HOXB9: variants seen among roughly 807,000 people sequenced by gnomAD.
HOXB9 encodes homeobox protein Hox-B9.
In HOXB9, 10 loss-of-function variants were observed where a neutral mutation model predicts 21.5. The ratio of observed to expected loss-of-function variants is 0.47; its 90% CI spans 0.29 to 0.79. The LOEUF (loss-of-function observed/expected upper bound fraction) is 0.79. Among genes scored for constraint, HOXB9 ranks in the 30% least tolerant of loss-of-function variants. The pLI is 0.10. For missense variants in HOXB9, 375 were observed against 338.7 expected (o/e 1.11, Z -0.84); for synonymous variants, 156 against 151.2 (o/e 1.03, Z -0.23).
At position 48,622,572 on chromosome 17, in the gene HOXB9, G is replaced by GT; in HGVS notation, c.*327_*328insA. 7.6e-6 allele frequency: 2 copies of GT among 264,090 alleles called. No homozygotes were observed. The highest frequency in any genetic ancestry group is 1.5e-5 in the Non-Finnish European group (2 of 137,728). The allele number at this position is 264,090 out of a possible 1,614,324, so 16.4% of individuals were successfully genotyped here. A position where few individuals can be genotyped will look rare whatever the true frequency, so the allele number is the denominator to read the frequency against. Reference sequence around the variant, plus strand: ...GAGAAGAAACAGGCAAGCTGGAAGTGAGGGGCTAGGACTTCCCAGAAAAAT... The same window carrying GT: ...GAGAAGAAACAGGCAAGCTGGAAGTGTAGGGGCTAGGACTTCCCAGAAAAAT... On this transcript the variant is annotated 3_prime_UTR_variant, in exon 2 of 2. Coordinates refer to ENST00000311177, the MANE Select transcript of HOXB9 (RefSeq NM_024017.5).
In HOXB9 at chr17:48,626,060, C is replaced by G. The variant is rs750430036; in HGVS notation, c.210G>C (p.Ala70=). 11 of 1,578,000 alleles carry G rather than the reference C, an allele frequency of 7.0e-6. No individual in the cohort carries two copies. The highest frequency in any genetic ancestry group is 1.8e-5 in the Admixed American group (1 of 55,190). ...GGTAGACGGACGGCAGGCTCCCGGA[C>G]GCGTGCGGGCTCAGCGGCGCCCAGG... The part of the protein sequence containing the change: ...GASWAPLSPH[A]SGSLPSVYHP... The change falls in exon 1 of 2, where the codon GCG becomes GCC. Residue 70 remains alanine, a synonymous_variant. Transcript: ENST00000311177.
intron 1 of HOXB9, among the ~76,000 whole-genome samples, chr17:48,623,749 C>T (rs1358596758): frequency 6.6e-6 from 1 of 152,204 alleles, no homozygotes; most frequent in Non-Finnish European, 1.5e-5. Context: ...GAATATGGGT[C>T]TGCACTTAGA....
rs1424495131 is a variant in HOXB9, at chr17:48,621,351, C to T, written c.*1549G>A. On this transcript the variant is annotated 3_prime_UTR_variant, in exon 2 of 2. Coordinates refer to ENST00000311177, the MANE Select transcript of HOXB9 (RefSeq NM_024017.5). ...AGCACAATTTCACGACAGCCACCGACAAAGCAAAAAACTTCTACTGGAATG... is the reference window on the plus strand; with the variant it reads ...AGCACAATTTCACGACAGCCACCGATAAAGCAAAAAACTTCTACTGGAATG... The T allele has an allele frequency of 6.6e-6, 1 of 152,160 alleles. No homozygotes were observed. Among genetic ancestry groups the T allele is most frequent in the Non-Finnish European group, 1.5e-5 (1 of 67,986 alleles). The allele number at this position is 152,160 out of a possible 1,614,324, so 9.4% of individuals were successfully genotyped here.
In HOXB9 at chr17:48,622,361, G is replaced by C. The variant is rs1170456470; in HGVS notation, c.*539C>G. On this transcript the variant is annotated 3_prime_UTR_variant, in exon 2 of 2. Coordinates refer to ENST00000311177, the MANE Select transcript of HOXB9 (RefSeq NM_024017.5). ...CTCCCTGGTGGGTATTTGCATTAGGGGTAGAACCCGGGCTTGCCTGACAGT... is the reference window on the plus strand; with the variant it reads ...CTCCCTGGTGGGTATTTGCATTAGGCGTAGAACCCGGGCTTGCCTGACAGT... 6.5e-6 allele frequency: 1 copy of C among 154,016 alleles called. No individual in the cohort carries two copies. Among genetic ancestry groups the C allele is most frequent in the Admixed American group, 6.4e-5 (1 of 15,508 alleles). 9.5% of individuals were successfully genotyped at this position (154,016 alleles called of 1,614,324 possible). A position where few individuals can be genotyped will look rare whatever the true frequency, so the allele number is the denominator to read the frequency against.
intron 1 of HOXB9, among the ~76,000 whole-genome samples, chr17:48,625,298 G>T (rs2070802644): frequency 6.6e-6 from 1 of 152,230 alleles, no homozygotes; most frequent in African/African-American, 2.4e-5. Context: ...CGGTCTGCGC[G>T]TGGCGCGGGG....
In HOXB9 at chr17:48,623,061, G is replaced by A. The variant is rs769807349; in HGVS notation, c.592C>T (p.Leu198=). 5 of 1,614,224 alleles carry A rather than the reference G, an allele frequency of 3.1e-6. No individual in the cohort carries two copies. The South Asian group carries it at 5.5e-5, about 18-fold the overall frequency. The change falls in exon 2 of 2, where the codon CTG becomes TTG. Residue 198 remains leucine (L), a synonymous_variant. Transcript: ENST00000311177. ...AACAGAAACTCCTTCTCTAGCTCCA[G>A]CGTCTGGTATTTGGTGTAGGGACAG... ...KRCPYTKYQT[L]ELEKEFLFNM...
intron 1 of HOXB9, among the ~76,000 whole-genome samples, chr17:48,625,305 G>C (rs1331540316): frequency 6.6e-6 from 1 of 152,224 alleles, no homozygotes; most frequent in Admixed American, 6.5e-5. Flanking sequence ...CGCGTGGCGC[G>C]GGGAGCTCTG....
In HOXB9 at chr17:48,626,029, A is replaced by G. The variant is rs775817091; in HGVS notation, c.241T>C (p.Tyr81His). 6.3e-7 allele frequency: 1 copy of G among 1,577,670 alleles called. No individual in the cohort carries two copies. The highest frequency in any genetic ancestry group is 8.6e-7 in the Non-Finnish European group (1 of 1,169,196). ...GGCGGGACGCCCTGGGGCTGGATGTAAGGGTGGTAGACGGACGGCAGGCTC... is the reference window on the plus strand; with the variant it reads ...GGCGGGACGCCCTGGGGCTGGATGTGAGGGTGGTAGACGGACGGCAGGCTC... ...SGSLPSVYHPYIQPQGVPPAE... is the reference protein window; with the variant it reads ...SGSLPSVYHPHIQPQGVPPAE... Residue 81 changes from tyrosine to histidine, a missense_variant, in exon 1 of 2, where the codon TAC becomes CAC. Tyr to His is a moderately conservative substitution (Grantham distance 83). Coordinates refer to ENST00000311177, the MANE Select transcript of HOXB9 (RefSeq NM_024017.5).
chr17:48,626,327 C>G lies in HOXB9; in HGVS notation c.-58G>C. On this transcript the variant is annotated 5_prime_UTR_variant, in exon 1 of 2. Coordinates refer to ENST00000311177, the MANE Select transcript of HOXB9 (RefSeq NM_024017.5). ...AGGGAAGCGCTCGCGCGGCGGCGCC[C>G]AAGCAGGGAGAGGTGGCACCCGGAC... 2.0e-6 allele frequency: 3 copies of G among 1,524,534 alleles called. No individual in the cohort carries two copies. Among genetic ancestry groups the G allele is most frequent in the Non-Finnish European group, 1.8e-6 (2 of 1,140,234 alleles). The allele number at this position is 1,524,534 out of a possible 1,614,324, so 94.4% of individuals were successfully genotyped here.
chr17:48,623,219 C>T, intron 1 of HOXB9, 84 bp from the exon 2 acceptor site: 1 of 1,091,070 alleles, frequency 9.2e-7, no homozygotes, highest in Non-Finnish European at 1.3e-6. Context: ...GGTCTCCACT[C>T]CCCATCTTGC....
rs113495918 is a variant in HOXB9 at position 48,626,241 on chromosome 17, T to C, written c.29A>G (p.Tyr10Cys). 4.4e-6 allele frequency: 7 copies of C among 1,596,776 alleles called. No individual in the cohort carries two copies. The highest frequency in any genetic ancestry group is 4.0e-5 in the African/African-American group (3 of 74,988). ...GTGACTTATGATCGAGTCGACATAA[T>C]AGCTGCTAAGCGTCCCAGAAATGGA... Reference protein sequence around the residue: MSISGTLSSYYVDSIISHES... With the variant: MSISGTLSSCYVDSIISHES... Residue 10 changes from tyrosine (Y) to cysteine (C), a missense_variant, in exon 1 of 2, where the codon TAT becomes TGT. By Grantham distance (194) the Tyr-to-Cys change is radical. Coordinates refer to ENST00000311177, the MANE Select transcript of HOXB9 (RefSeq NM_024017.5).
At chr17:48,624,033 A>G (rs565057480) in intron 1 of HOXB9, among the ~76,000 whole-genome samples, 1 of 152,292 alleles carries the variant, frequency 6.6e-6, no homozygotes, top group Admixed American at 6.5e-5. Flanking sequence ...AATTGATCCT[A>G]TGTGGGGGCT....
chr17:48,625,286 T>A (rs997219001), intron 1 of HOXB9, among the ~76,000 whole-genome samples: 2 of 152,248 alleles, frequency 1.3e-5, no homozygotes, highest in Admixed American at 1.3e-4. Flanking sequence ...GGCCGGCTTT[T>A]ACGGTCTGCG....
chr17:48,623,996 G>A (rs761794747), intron 1 of HOXB9, among the ~76,000 whole-genome samples: 57 of 152,170 alleles, frequency 3.7e-4, no homozygotes, highest in Admixed American at 7.2e-4. Context: ...GAGGTAAAAG[G>A]AAGCCCTTCA....
Position 48,623,144 on chromosome 17 carries a change from G to T in HOXB9, c.518-9C>A. ...GTTGGCGGAGGGGTTGGCTGAAAGA[G>T]AAGCAGCGATAGAATCAAAGAAAGG... On this transcript the variant is annotated splice_polypyrimidine_tract_variant and intron_variant, in intron 1 of 1. Coordinates refer to ENST00000311177, the MANE Select transcript of HOXB9 (RefSeq NM_024017.5). 2 of 1,608,592 alleles carry T rather than the reference G, an allele frequency of 1.2e-6. No homozygotes were observed. The highest frequency in any genetic ancestry group is 8.5e-7 in the Non-Finnish European group (1 of 1,176,496).
intron 1 of HOXB9, 108 bp downstream of exon 1, chr17:48,625,645 G>A: frequency 1.5e-6 from 2 of 1,302,852 alleles, no homozygotes; most frequent in Non-Finnish European, 2.0e-6. Flanking sequence ...CCCGCTCTCC[G>A]GCCACCGCCG....
Position 48,621,348 on chromosome 17 carries a change from C to T in HOXB9, c.*1552G>A, listed in dbSNP as rs8844. ...ACAAGCACAATTTCACGACAGCCAC[C>T]GACAAAGCAAAAAACTTCTACTGGA... On this transcript the variant is annotated 3_prime_UTR_variant, in exon 2 of 2. Transcript: ENST00000311177. 0.058 allele frequency: 8,803 copies of T among 152,444 alleles called. 399 individuals carry two copies. The highest frequency in any genetic ancestry group is 0.17 in the South Asian group (795 of 4,790). The allele number at this position is 152,444 out of a possible 1,614,324, so 9.4% of individuals were successfully genotyped here. A position where few individuals can be genotyped will look rare whatever the true frequency, so the allele number is the denominator to read the frequency against.
Position 48,626,151 on chromosome 17 carries a change from C to T in HOXB9, c.119G>A (p.Gly40Asp). 1.3e-6 allele frequency: 2 copies of T among 1,595,688 alleles called. No homozygotes were observed. Among genetic ancestry groups the T allele is most frequent in the Non-Finnish European group, 1.7e-6 (2 of 1,177,870 alleles). Residue 40 changes from glycine to aspartate, a missense_variant, in exon 1 of 2, where the codon GGC becomes GAC. Physicochemically the swap from Gly to Asp is moderately conservative, Grantham distance 94 (BLOSUM62 -1). Transcript: ENST00000311177. ...SGQYASSRQP[G>D]HAEHLEFPSC... ...GGGGAACTCCAGGTGCTCCGCGTGGCCCGGCTGCCGCGAGCTCGCGTACTG... is the reference window on the plus strand; with the variant it reads ...GGGGAACTCCAGGTGCTCCGCGTGGTCCGGCTGCCGCGAGCTCGCGTACTG...
rs763676956 is a variant in HOXB9, at chr17:48,626,199, G to T, written c.71C>A (p.Pro24His). The T allele has an allele frequency of 6.3e-7, 1 of 1,599,446 alleles. No individual in the cohort carries two copies. Among genetic ancestry groups the T allele is most frequent in the South Asian group, 1.1e-5 (1 of 90,952 alleles). The change falls in exon 1 of 2, where the codon CCT (proline) becomes CAT (histidine). Residue 24 changes from proline to histidine, a missense_variant. Transcript: ENST00000311177. ...SIISHESEDA[P>H]PAKFPSGQYA... ...CTGGCCAGAAGGAAACTTGGCTGGAGGCGCGTCCTCACTCTCGTGACTTAT... is the reference window on the plus strand; with the variant it reads ...CTGGCCAGAAGGAAACTTGGCTGGATGCGCGTCCTCACTCTCGTGACTTAT...
Sources: gnomAD v4.1 joint callset for allele counts (sites outside exome capture counted in the v4.1 genomes callset) on GRCh38, gnomAD v4.1.1 for gene constraint, MANE v1.5 for transcripts, NCBI Gene and HGNC (gene_info 2026-07-23, HGNC 2026-07-21) for gene names.